ATRNL1: variants seen among roughly 807,000 people sequenced by gnomAD.
ATRNL1 encodes the protein attractin-like protein 1.
A neutral mutation model predicts 182.7 loss-of-function variants in ATRNL1; 95 were observed. That is an observed-to-expected ratio of 0.52 (90% confidence interval 0.44 to 0.62). ATRNL1 has a LOEUF of 0.62. ATRNL1 is among the 20% of genes least tolerant of loss of function. The pLI is 0.00. For synonymous variants in ATRNL1, 576 were observed against 568.3 expected (o/e 1.01, Z -0.19); for missense variants, 1,471 against 1,679.5 (o/e 0.88, Z 2.17).
chr10:115,348,544 A>G (rs1856083620), intron 19 of ATRNL1, among the ~76,000 whole-genome samples: 1 of 152,162 alleles, frequency 6.6e-6, no homozygotes, highest in Non-Finnish European at 1.5e-5. Flanking sequence ...TATAAACTGT[A>G]GTAAAAGAAA....
At position 115,093,707 on chromosome 10, in the gene ATRNL1, G is replaced by T. The variant is rs1554862223; in HGVS notation, c.-44G>T. The T allele has an allele frequency of 4.2e-6, 6 of 1,420,412 alleles. 2 individuals are homozygous for T. In the South Asian group the frequency reaches 7.4e-5, roughly 17 times the overall value. The allele number at this position is 1,420,412 out of a possible 1,614,324, so 88.0% of individuals were successfully genotyped here. On this transcript the variant is annotated 5_prime_UTR_variant, in exon 1 of 29. Coordinates refer to ENST00000355044, the MANE Select transcript of ATRNL1 (RefSeq NM_207303.4). This position sits in a 1 kb window ranked among gnomAD's most constrained non-coding sequence, Gnocchi z 6.1. ...AATTCCCTTCAACAGCATCCCTGTC[G>T]GCGCCCGCGAGCGCAGTCTCGCCGG...
Position 115,413,638 on chromosome 10 carries a change from G to C in ATRNL1, c.3270-12612G>C, listed in dbSNP as rs574724970. Among the ~76,000 whole-genome samples, 31 of 152,208 alleles carry C rather than the reference G, an allele frequency of 2.0e-4. No individual in the cohort carries two copies. In the South Asian group the frequency reaches 6.4e-3, roughly 32 times the overall value. On this transcript the variant is annotated intron_variant, in intron 20 of 28. Coordinates refer to ENST00000355044, the MANE Select transcript of ATRNL1 (RefSeq NM_207303.4). ...TGTCCAAGATTTGGCCAGTAGGAGA[G>C]GCTTCAAGCTAGCTCTTTTGTTTAT...
intron 18 of ATRNL1, among the ~76,000 whole-genome samples, chr10:115,323,604 C>A (rs1303835272): frequency 2.0e-5 from 3 of 151,686 alleles, no homozygotes; most frequent in African/African-American, 4.8e-5. Context: ...GCCACCACAC[C>A]TGACTAATTT....
At chr10:115,345,881 A>G (rs771724957) in intron 19 of ATRNL1, among the ~76,000 whole-genome samples, 1 of 151,970 alleles carries the variant, frequency 6.6e-6, no homozygotes, top group Non-Finnish European at 1.5e-5. Flanking sequence ...CTTTCACTAA[A>G]TGTTATGTTT....
chr10:115,856,118 G>C (rs1951173758), intron 28 of ATRNL1, among the ~76,000 whole-genome samples: 4 of 152,018 alleles, frequency 2.6e-5, no homozygotes, highest in African/African-American at 9.7e-5. Context: ...TCAATTGTTG[G>C]TGTAGTCATT....
At chr10:115,781,416 C>A (rs143275301) in intron 27 of ATRNL1, among the ~76,000 whole-genome samples, 1 of 152,088 alleles carries the variant, frequency 6.6e-6, no homozygotes, top group African/African-American at 2.4e-5. Flanking sequence ...TTTATGGCAG[C>A]GCTCTGTATA....
chr10:115,619,941 A>G (rs143995612), intron 26 of ATRNL1, among the ~76,000 whole-genome samples: 2 of 152,324 alleles, frequency 1.3e-5, no homozygotes, highest in Admixed American at 1.3e-4. Flanking sequence ...ATGTATTGGT[A>G]TTTTGCTGAT....
intron 26 of ATRNL1, among the ~76,000 whole-genome samples, chr10:115,647,564 T>A (rs1555032977): frequency 6.6e-6 from 1 of 152,196 alleles, no homozygotes; most frequent in Non-Finnish European, 1.5e-5. Context: ...TGATGAGCAT[T>A]TTTTCATGTG....
chr10:115,427,407 ACTTGTC>A (rs1168757761), intron 21 of ATRNL1, among the ~76,000 whole-genome samples: 9 of 152,056 alleles, frequency 5.9e-5, no homozygotes, highest in African/African-American at 2.2e-4. Flanking sequence ...ACTAGTGGTA[ACTTGTC>A]TTTTTATCTT....
chr10:115,677,854 G>C (rs538652866), intron 26 of ATRNL1, among the ~76,000 whole-genome samples: 2 of 151,872 alleles, frequency 1.3e-5, no homozygotes, highest in East Asian at 3.9e-4. Context: ...AGCTCCAAAG[G>C]GTATCAGTGG....
chr10:115,579,271 C>T (rs1403593491), intron 26 of ATRNL1, among the ~76,000 whole-genome samples: 2 of 151,608 alleles, frequency 1.3e-5, no homozygotes, highest in Admixed American at 1.3e-4. Flanking sequence ...ATGATCTATC[C>T]ATTATTGAAA....
At chr10:115,710,008 TC>T (rs1265898670) in intron 26 of ATRNL1, among the ~76,000 whole-genome samples, 1 of 152,060 alleles carries the variant, frequency 6.6e-6, no homozygotes. Flanking sequence ...AAGCACTCTG[TC>T]CTATTTCTTG....
intron 28 of ATRNL1, among the ~76,000 whole-genome samples, chr10:115,887,553 G>T (rs1555110099): frequency 6.6e-6 from 1 of 152,052 alleles, no homozygotes; most frequent in Non-Finnish European, 1.5e-5. Context: ...ATCTCCTAAA[G>T]GCCTCATCTC....
intron 20 of ATRNL1, among the ~76,000 whole-genome samples, chr10:115,395,778 C>T (rs901896399): frequency 4.0e-5 from 6 of 151,594 alleles, no homozygotes; most frequent in Admixed American, 4.0e-4. Flanking sequence ...CAAAAATTAA[C>T]TTTAAAAGGC....
At chr10:115,514,760 G>T (rs1258415159) in intron 24 of ATRNL1, among the ~76,000 whole-genome samples, 1 of 151,854 alleles carries the variant, frequency 6.6e-6, no homozygotes, top group African/African-American at 2.4e-5. Context: ...GAGTTAAATA[G>T]GGATTGCACA....
chr10:115,882,501 A>C (rs1193256215), intron 28 of ATRNL1, among the ~76,000 whole-genome samples: 3 of 152,168 alleles, frequency 2.0e-5, no homozygotes, highest in African/African-American at 7.2e-5. Context: ...TTCGTACTTC[A>C]TTCACATGTG....
At chr10:115,888,597 A>T (rs193179586) in intron 28 of ATRNL1, among the ~76,000 whole-genome samples, 38 of 152,298 alleles carry the variant, frequency 2.5e-4, no homozygotes, top group Admixed American at 4.6e-4. Flanking sequence ...TCCTCTTCAA[A>T]TCCTCTTATA....
intron 27 of ATRNL1, among the ~76,000 whole-genome samples, chr10:115,800,630 T>G (rs1949769973): frequency 6.6e-6 from 1 of 152,046 alleles, no homozygotes; most frequent in Non-Finnish European, 1.5e-5. Flanking sequence ...ATGGACTGAG[T>G]TTTTGTGTCC....
intron 5 of ATRNL1, among the ~76,000 whole-genome samples, chr10:115,148,724 C>A (rs1011205538): frequency 7.9e-5 from 12 of 150,980 alleles, no homozygotes; most frequent in Non-Finnish European, 1.5e-4. Context: ...GAATGGATCT[C>A]CCTCTTTGAG....
Sources: allele counts gnomAD v4.1 joint callset (sites outside exome capture counted in the v4.1 genomes callset), GRCh38; gene constraint gnomAD v4.1.1; non-coding constraint Gnocchi (gnomAD v3.1); transcripts MANE v1.5; gene names NCBI Gene and HGNC (gene_info 2026-07-23, HGNC 2026-07-21).